GSG1L: variants seen among roughly 807,000 people sequenced by gnomAD.
GSG1L encodes germ cell-specific gene 1-like protein.
A neutral mutation model predicts 42.1 loss-of-function variants in GSG1L; 24 were observed. The observed-to-expected ratio is 0.57, with a 90% CI of 0.41 to 0.80. The LOEUF is 0.80. GSG1L is among the 30% of genes least tolerant of loss of function. The probability of loss-of-function intolerance (pLI) is 0.00; values close to 1 mark genes in which losing one functional copy is unlikely to be tolerated. For missense variants in GSG1L, 445 were observed against 472.2 expected, an observed-to-expected ratio of 0.94 and a Z score of 0.53; for synonymous variants, 215 against 203.5, an observed-to-expected ratio of 1.06 and a Z score of -0.48.
intron 6 of GSG1L, among the ~76,000 whole-genome samples, chr16:27,798,435 G>A (rs2082845683): frequency 6.6e-6 from 1 of 152,146 alleles, no homozygotes; most frequent in Non-Finnish European, 1.5e-5. Context: ...GAAAGAACAG[G>A]GTGTGAAATA....
intron 6 of GSG1L, among the ~76,000 whole-genome samples, chr16:27,803,287 G>A (rs1023331434): frequency 2.0e-5 from 3 of 152,016 alleles, no homozygotes; most frequent in South Asian, 2.1e-4. Context: ...TCCATGCCCC[G>A]AGCCATTACC....
intron 3 of GSG1L, among the ~76,000 whole-genome samples, chr16:27,881,087 A>G (rs1488972369): frequency 1.3e-5 from 2 of 152,120 alleles, no homozygotes; most frequent in African/African-American, 4.8e-5. Flanking sequence ...AATGTTTTCC[A>G]CTAGATAAAA....
chr16:28,046,273 G>A lies in GSG1L; in HGVS notation c.349+16803C>T, dbSNP rs1184233024. ...GCCACGAGGCCATACACATCCGCAGGCCGTTAGCTATTGCTAGGAAAACAA... is the reference window on the plus strand; with the variant it reads ...GCCACGAGGCCATACACATCCGCAGACCGTTAGCTATTGCTAGGAAAACAA... On this transcript the variant is annotated intron_variant, in intron 1 of 6. Coordinates refer to ENST00000447459, the MANE Select transcript of GSG1L (RefSeq NM_001109763.2). Among the ~76,000 whole-genome samples, 2 of 151,390 alleles carry A rather than the reference G, an allele frequency of 1.3e-5. 1 individual carries two copies. The highest frequency in any genetic ancestry group is 3.9e-4 in the East Asian group (2 of 5,142).
At chr16:27,877,427 G>C (rs1170063796) in intron 3 of GSG1L, among the ~76,000 whole-genome samples, 1 of 152,098 alleles carries the variant, frequency 6.6e-6, no homozygotes, top group Non-Finnish European at 1.5e-5. Context: ...ATTCATTTTT[G>C]TATCTTCATT....
chr16:27,995,022 C>T (rs2141138315), intron 1 of GSG1L, among the ~76,000 whole-genome samples: 1 of 152,240 alleles, frequency 6.6e-6, no homozygotes, highest in East Asian at 1.9e-4. Context: ...CCAAAGTTTC[C>T]CCCTCCAAAT....
At chr16:27,841,291 G>A (rs545894580) in intron 4 of GSG1L, among the ~76,000 whole-genome samples, 142 of 152,282 alleles carry the variant, frequency 9.3e-4, no homozygotes, top group African/African-American at 3.1e-3. Flanking sequence ...GCCCCTCCAC[G>A]CTGCCACAGT....
At chr16:27,845,106 G>T (rs1567482918) in intron 3 of GSG1L, 45 bp from the exon 4 acceptor site, 4 of 1,351,534 alleles carry the variant, frequency 3.0e-6, no homozygotes, top group Non-Finnish European at 3.1e-6. Context: ...GTAAGGAAGG[G>T]CTTTGTCCCC....
At chr16:28,024,067 G>A (rs1254620932) in intron 1 of GSG1L, among the ~76,000 whole-genome samples, 1 of 152,140 alleles carries the variant, frequency 6.6e-6, no homozygotes, top group Non-Finnish European at 1.5e-5. Flanking sequence ...AACAGTGGCA[G>A]CAAGAGGACT....
rs545595621 is a variant in GSG1L at position 28,059,105 on chromosome 16, C to T, written c.349+3971G>A. Among the ~76,000 whole-genome samples the T allele has an allele frequency of 6.6e-6, 1 of 152,194 alleles. No homozygotes were observed. The highest frequency in any genetic ancestry group is 2.4e-5 in the African/African-American group (1 of 41,452). ...GAGGTGGTGCTCCCCACTCCCTGCCCTACGTCACCAAATCCTTGCATCTCC... is the reference window on the plus strand; with the variant it reads ...GAGGTGGTGCTCCCCACTCCCTGCCTTACGTCACCAAATCCTTGCATCTCC... On this transcript the variant is annotated intron_variant, in intron 1 of 6. Transcript: ENST00000447459. The surrounding 1 kb of genome is among the most constrained non-coding windows in gnomAD (Gnocchi z 4.4).
chr16:28,053,173 A>C (rs1344574108), intron 1 of GSG1L, among the ~76,000 whole-genome samples: 1 of 152,212 alleles, frequency 6.6e-6, no homozygotes, highest in African/African-American at 2.4e-5. Context: ...GACAAAGGGG[A>C]GCAGAAGCCC....
intron 5 of GSG1L, among the ~76,000 whole-genome samples, chr16:27,819,248 TAA>T (rs57616813): frequency 7.3e-4 from 105 of 143,664 alleles, no homozygotes; most frequent in African/African-American, 2.1e-3. Context: ...GACTCTGTCT[TAA>T]AAAAAAAAAA....
intron 1 of GSG1L, among the ~76,000 whole-genome samples, chr16:28,005,747 G>C (rs1354442161): frequency 6.6e-6 from 1 of 152,140 alleles, no homozygotes; most frequent in East Asian, 1.9e-4. Flanking sequence ...AGGTGATTCT[G>C]AGGAGCCAGG....
chr16:28,007,424 A>G (rs1282275453), intron 1 of GSG1L, among the ~76,000 whole-genome samples: 1 of 152,160 alleles, frequency 6.6e-6, no homozygotes, highest in Admixed American at 6.5e-5. Flanking sequence ...GGATGCCTTC[A>G]TTTTAGACTC....
In GSG1L at chr16:28,010,774, T is replaced by G. The variant is rs114370105; in HGVS notation, c.350-47571A>C. On this transcript the variant is annotated intron_variant, in intron 1 of 6. Transcript: ENST00000447459. ...CATCCCTCCACCGGAAATCATTCCT[T>G]GGCAACTGGTGCCCAGCAGGAGTGG... Among the ~76,000 whole-genome samples the G allele has an allele frequency of 3.5e-3, 535 of 152,310 alleles. 1 individual carries two copies. The highest frequency in any genetic ancestry group is 0.012 in the African/African-American group (510 of 41,570).
Position 28,016,624 on chromosome 16 carries a change from T to C in GSG1L, c.349+46452A>G, listed in dbSNP as rs535981206. Among the ~76,000 whole-genome samples, 4 of 152,328 alleles carry C rather than the reference T, an allele frequency of 2.6e-5. No homozygotes were observed. The South Asian group carries it at 8.3e-4, about 32-fold the overall frequency. On this transcript the variant is annotated intron_variant, in intron 1 of 6. Transcript: ENST00000447459. ...GAATGCATGTATGGAATGTTAGCAA[T>C]AATGTCTGGAACCTTTCTCAACCCC...
chr16:27,808,725 G>C (rs1298369198), intron 5 of GSG1L, among the ~76,000 whole-genome samples: 2 of 152,164 alleles, frequency 1.3e-5, no homozygotes, highest in African/African-American at 4.8e-5. Flanking sequence ...CAAAGCCCCA[G>C]TCTCCCAAAT....
At chr16:28,056,056 G>A (rs565894957) in intron 1 of GSG1L, among the ~76,000 whole-genome samples, 2 of 152,074 alleles carry the variant, frequency 1.3e-5, no homozygotes, top group South Asian at 2.1e-4. Flanking sequence ...AGAGAGCCCC[G>A]GCCTCTCGCT....
chr16:28,035,076 A>G lies in GSG1L; in HGVS notation c.349+28000T>C, dbSNP rs150021416. Among the ~76,000 whole-genome samples the G allele has an allele frequency of 8.3e-3, 1,264 of 152,260 alleles. 23 individuals carry two copies. Among genetic ancestry groups the G allele is most frequent in the African/African-American group, 0.028 (1,184 of 41,544 alleles). ...GTCTCCCAGGCTGGAGTGCAGTGGC[A>G]TGATCATTTAACCTCAAACTCCTGG... On this transcript the variant is annotated intron_variant, in intron 1 of 6. Transcript: ENST00000447459.
At chr16:27,926,547 G>A (rs2084595219) in intron 2 of GSG1L, among the ~76,000 whole-genome samples, 2 of 152,082 alleles carry the variant, frequency 1.3e-5, no homozygotes, top group Non-Finnish European at 2.9e-5. Flanking sequence ...AAAACTAGCT[G>A]GGCATGGTGG....
Sources: gnomAD v4.1 joint callset for allele counts (sites outside exome capture counted in the v4.1 genomes callset) on GRCh38, gnomAD v4.1.1 for gene constraint, Gnocchi (gnomAD v3.1) non-coding constraint, MANE v1.5 for transcripts, NCBI Gene and HGNC (gene_info 2026-07-23, HGNC 2026-07-21) for gene names.